ITGAD: variants seen among roughly 807,000 people sequenced by gnomAD.
ITGAD encodes the protein integrin alpha-D.
Under a neutral mutation model 139.0 loss-of-function variants are expected in ITGAD, and 105 were observed. That is an observed-to-expected ratio of 0.76 (90% CI 0.65 to 0.89). ITGAD has a LOEUF of 0.89. Among genes scored for constraint, ITGAD ranks in the 40% least tolerant of loss-of-function variants. The pLI is 0.00. For missense variants in ITGAD, 1,384 were observed against 1,487.3 expected (o/e 0.93, Z 1.14); for synonymous variants, 569 against 598.3 (o/e 0.95, Z 0.71).
intron 14 of ITGAD, among the ~76,000 whole-genome samples, chr16:31,412,077 C>CT (rs371162399): frequency 3.3e-4 from 47 of 143,248 alleles, no homozygotes; most frequent in South Asian, 2.7e-3. Context: ...TTTTTTTTTT[C>CT]TTTTTTTTTT....
At chr16:31,416,689 T>A (rs2081896154) in intron 20 of ITGAD, 43 bp downstream of exon 20, 1 of 1,566,544 alleles carries the variant, frequency 6.4e-7, no homozygotes, top group Non-Finnish European at 8.7e-7. Context: ...GCCTCTCCCC[T>A]GCCCTGTAGC....
At chr16:31,408,844 G>A (rs906096262) in intron 10 of ITGAD, among the ~76,000 whole-genome samples, 1 of 152,216 alleles carries the variant, frequency 6.6e-6, no homozygotes, top group Non-Finnish European at 1.5e-5. Context: ...GACAAAGCAA[G>A]TGCCAAGGTC....
chr16:31,409,960 G>C (rs2081641454), intron 10 of ITGAD, among the ~76,000 whole-genome samples: 1 of 151,660 alleles, frequency 6.6e-6, no homozygotes, highest in South Asian at 2.1e-4. Context: ...CTTCCAGGGA[G>C]GGGAAATGAG....
intron 29 of ITGAD, among the ~76,000 whole-genome samples, chr16:31,425,370 C>T (rs981677241): frequency 2.0e-4 from 31 of 152,264 alleles, no homozygotes; most frequent in African/African-American, 7.2e-4. Flanking sequence ...TGTGCCCGGC[C>T]GTTTCTCATT....
rs533463477 is a variant in ITGAD, at chr16:31,416,497, C to A, written c.2358-8C>A. ...AGCGCCACTCCCAGCCTCGTCCTTC[C>A]CCTTCAGCCTGCAGACCCTGACCGT... On this transcript the variant is annotated splice_polypyrimidine_tract_variant and splice_region_variant and intron_variant, in intron 19 of 29. Transcript: ENST00000389202. 5.0e-6 allele frequency: 8 copies of A among 1,604,948 alleles called. No individual in the cohort carries two copies. The highest frequency in any genetic ancestry group is 6.0e-6 in the Non-Finnish European group (7 of 1,172,588).
intron 23 of ITGAD, among the ~76,000 whole-genome samples, chr16:31,421,327 C>T (rs754686518): frequency 1.2e-4 from 18 of 151,098 alleles, no homozygotes; most frequent in Admixed American, 7.9e-4. Flanking sequence ...GCTTAGGCTG[C>T]GCACGGTGGC....
intron 27 of ITGAD, 58 bp from the exon 28 acceptor site, chr16:31,424,044 C>T (rs1567356525): frequency 5.6e-6 from 9 of 1,607,322 alleles, no homozygotes; most frequent in South Asian, 1.1e-5. Flanking sequence ...AGGGCACCCC[C>T]GAAGCTCTGA....
chr16:31,402,110 C>T lies in ITGAD; in HGVS notation c.428-5C>T, dbSNP rs775399090. 2 of 1,613,214 alleles carry T rather than the reference C, an allele frequency of 1.2e-6. No individual in the cohort carries two copies. The highest frequency in any genetic ancestry group is 1.3e-5 in the African/African-American group (1 of 74,922). On this transcript the variant is annotated splice_region_variant and splice_polypyrimidine_tract_variant and intron_variant, in intron 5 of 29. Transcript: ENST00000389202. ...CATCTCCGATTCCTCCCCATTCCCCCACAGAGTGTCCACATCAAGAGATGG... is the reference window on the plus strand; with the variant it reads ...CATCTCCGATTCCTCCCCATTCCCCTACAGAGTGTCCACATCAAGAGATGG...
At chr16:31,397,020 G>A (rs958655610) in intron 2 of ITGAD, among the ~76,000 whole-genome samples, 1 of 144,108 alleles carries the variant, frequency 6.9e-6, no homozygotes, top group Admixed American at 6.9e-5. Flanking sequence ...AACGCAATGT[G>A]CTTACCCATG....
At chr16:31,397,299 G>A in intron 2 of ITGAD, 60 bp from the exon 3 acceptor site, 1 of 1,155,718 alleles carries the variant, frequency 8.7e-7, no homozygotes, top group Non-Finnish European at 1.3e-6. Flanking sequence ...TCACCCCCAA[G>A]TGCCCGCTGC....
At chr16:31,414,091 TATCTA>T (rs1439817050) in intron 16 of ITGAD, among the ~76,000 whole-genome samples, 19 of 152,344 alleles carry the variant, frequency 1.2e-4, no homozygotes, top group African/African-American at 3.1e-4. Context: ...TCTAATCACC[TATCTA>T]ATCTATCATC....
At chr16:31,409,883 G>A (rs933468226) in intron 10 of ITGAD, among the ~76,000 whole-genome samples, 2 of 136,570 alleles carry the variant, frequency 1.5e-5, no homozygotes, top group Middle Eastern at 4.5e-3. Flanking sequence ...CTGCATCACA[G>A]CCTGTGTGAC....
At position 31,410,503 on chromosome 16, in the gene ITGAD, G is replaced by T; in HGVS notation, c.1192G>T (p.Asp398Tyr). 6.2e-7 allele frequency: 1 copy of T among 1,613,236 alleles called. No homozygotes were observed. Among genetic ancestry groups the T allele is most frequent in the Non-Finnish European group, 8.5e-7 (1 of 1,179,698 alleles). Residue 398 changes from aspartate (D) to tyrosine (Y), a missense_variant, in exon 11 of 30, where the codon GAC becomes TAC. Asp to Tyr is a radical substitution (Grantham distance 160, BLOSUM62 -3). Transcript: ENST00000389202. The stretch of plus-strand genomic sequence containing the variant: ...CATCAACATGTCTCAGGAGAATGTG[G>T]ACATGAGGGACTCTTACCTGGGTGA... Reference protein sequence around the residue: ...TFINMSQENVDMRDSYLGYST... With the variant: ...TFINMSQENVYMRDSYLGYST...
chr16:31,407,240 A>T (rs1477924831), intron 7 of ITGAD, among the ~76,000 whole-genome samples: 1 of 152,068 alleles, frequency 6.6e-6, no homozygotes, highest in Non-Finnish European at 1.5e-5. Context: ...CATAATCCCA[A>T]CTACTCAGGA....
intron 2 of ITGAD, among the ~76,000 whole-genome samples, chr16:31,395,492 G>A (rs1275402515): frequency 1.3e-5 from 2 of 152,148 alleles, no homozygotes; most frequent in Non-Finnish European, 2.9e-5. Context: ...CATGAGCTGG[G>A]TAAAGTCAGT....
intron 23 of ITGAD, among the ~76,000 whole-genome samples, chr16:31,419,981 T>G (rs1031196610): frequency 1.3e-5 from 2 of 152,154 alleles, no homozygotes; most frequent in Non-Finnish European, 2.9e-5. Context: ...TTGCCACCAC[T>G]GTGCCTTTCC....
chr16:31,410,328 C>A, intron 10 of ITGAD, 67 bp from the exon 11 acceptor site: 2 of 1,599,790 alleles, frequency 1.3e-6, no homozygotes, highest in Non-Finnish European at 1.7e-6. Flanking sequence ...GGGTGGCAGG[C>A]GTGTCTCTGG....
At chr16:31,425,957 A>G (rs944469207) in intron 29 of ITGAD, 58 bp from the exon 30 acceptor site, 28 of 1,102,362 alleles carry the variant, frequency 2.5e-5, no homozygotes, top group South Asian at 8.9e-5. Context: ...CTGAGATTAC[A>G]GGTGTGAGCC....
intron 9 of ITGAD, 148 bp from the exon 10 acceptor site, chr16:31,408,277 C>A: frequency 2.9e-6 from 2 of 691,154 alleles, no homozygotes; most frequent in Non-Finnish European, 5.1e-6. Context: ...CAGCCTGTCC[C>A]GCACAGTCTT....
Sources: allele counts gnomAD v4.1 joint callset (sites outside exome capture counted in the v4.1 genomes callset), GRCh38; gene constraint gnomAD v4.1.1; transcripts MANE v1.5; gene names NCBI Gene and HGNC (gene_info 2026-07-23, HGNC 2026-07-21).